Variants in HS1BP3 observed in about 807,000 individuals in gnomAD.
HS1BP3 encodes HCLS1-binding protein 3.
HS1BP3 carries 32 observed loss-of-function variants against 33.5 expected under a neutral mutation model. That is an observed-to-expected ratio of 0.95 (90% CI 0.72 to 1.28). The LOEUF (loss-of-function observed/expected upper bound fraction) is 1.28. Among genes scored for constraint, HS1BP3 ranks in the 50% most tolerant of loss-of-function variants. The pLI is 0.00. For synonymous variants in HS1BP3, 187 were observed against 209.2 expected, an observed-to-expected ratio of 0.89 and a Z score of 0.92; for missense variants, 486 against 502.3, an observed-to-expected ratio of 0.97 and a Z score of 0.31.
At chr2:20,648,950 G>C (rs574431335) in intron 1 of HS1BP3, among the ~76,000 whole-genome samples, 1 of 152,292 alleles carries the variant, frequency 6.6e-6, no homozygotes, top group East Asian at 1.9e-4. Context: ...CAGCAAACCT[G>C]AAAGCTCAAT....
intron 2 of HS1BP3, among the ~76,000 whole-genome samples, chr2:20,644,089 T>C (rs1448212261): frequency 6.6e-6 from 1 of 152,106 alleles, no homozygotes; most frequent in East Asian, 1.9e-4. Context: ...TACTTCGGGG[T>C]CTAGTTCATT....
At chr2:20,598,717 C>A (rs1261639106) in intron 2 of HS1BP3, among the ~76,000 whole-genome samples, 1 of 151,356 alleles carries the variant, frequency 6.6e-6, no homozygotes, top group Non-Finnish European at 1.5e-5. Flanking sequence ...CGCCACTACG[C>A]CCGGCTAATT....
At chr2:20,644,972 C>T (rs995304761) in intron 2 of HS1BP3, among the ~76,000 whole-genome samples, 15 of 152,132 alleles carry the variant, frequency 9.9e-5, no homozygotes, top group African/African-American at 2.2e-4. Context: ...GTTGTCTGCC[C>T]GGGACACCCT....
At chr2:20,598,510 G>A (rs1191789535) in intron 2 of HS1BP3, among the ~76,000 whole-genome samples, 1 of 150,222 alleles carries the variant, frequency 6.7e-6, no homozygotes, top group Non-Finnish European at 1.5e-5. Context: ...TGTGCAGCCC[G>A]GTTCCTAACA....
chr2:20,645,519 A>T lies in HS1BP3; in HGVS notation c.33-14T>A, dbSNP rs780052402. ...TTCTGAAGTCGCCTGCCAGGGGAAA[A>T]GAAGGCAGGTGGGGTTCAGGGTCAA... On this transcript the variant is annotated splice_polypyrimidine_tract_variant and intron_variant, in intron 1 of 6. Coordinates refer to ENST00000304031, the MANE Select transcript of HS1BP3 (RefSeq NM_022460.4). 5.6e-6 allele frequency: 9 copies of T among 1,605,962 alleles called. No homozygotes were observed. The South Asian group carries it at 1.0e-4, about 18-fold the overall frequency.
chr2:20,579,719 C>T (rs1386948093), intron 5 of HS1BP3, among the ~76,000 whole-genome samples: 2 of 152,234 alleles, frequency 1.3e-5, no homozygotes, highest in Non-Finnish European at 2.9e-5. Flanking sequence ...CGGGAATACC[C>T]TCCCTCCAGG....
At chr2:20,635,132 A>G (rs968842898) in intron 4 of HS1BP3, 2 of 152,246 alleles carry the variant, frequency 1.3e-5, no homozygotes, top group African/African-American at 4.8e-5. Flanking sequence ...ATGGTACCCC[A>G]AAGCCCCCAG....
intron 5 of HS1BP3, 143 bp downstream of exon 5, chr2:20,624,589 G>A (rs1694710939): frequency 1.3e-6 from 1 of 765,196 alleles, no homozygotes. Context: ...TGTCATGGAA[G>A]CACAAAGCTG....
intron 6 of HS1BP3, among the ~76,000 whole-genome samples, chr2:20,620,860 A>C (rs937949833): frequency 6.6e-6 from 1 of 152,210 alleles, no homozygotes; most frequent in Non-Finnish European, 1.5e-5. Context: ...CTCCACCTAC[A>C]ATGAGGGACA....
chr2:20,611,569 C>T lies in HS1BP3; in HGVS notation c.178+12327G>A, dbSNP rs189255346. The stretch of plus-strand genomic sequence containing the variant: ...GTGGGGTGAGCTGGAATGTACTCCC[C>T]GCTGCCGCAGTCCTGTTGACATTAT... On this transcript the variant is annotated intron_variant, in intron 2 of 3. Transcript: ENST00000415264. The surrounding 1 kb of genome is among the most constrained non-coding windows in gnomAD (Gnocchi z 4.9). Among the ~76,000 whole-genome samples, 1,302 of 152,288 alleles carry T rather than the reference C, an allele frequency of 8.5e-3. 13 individuals are homozygous for T. Among genetic ancestry groups the T allele is most frequent in the South Asian group, 0.015 (72 of 4,822 alleles).
intron 5 of HS1BP3, among the ~76,000 whole-genome samples, chr2:20,584,001 T>C (rs951591985): frequency 1.3e-5 from 2 of 152,178 alleles, no homozygotes; most frequent in East Asian, 1.9e-4. Context: ...GACTCGGGCA[T>C]AATTAGTGTT....
At chr2:20,640,775 A>G (rs1224566689) in intron 3 of HS1BP3, 198 bp downstream of exon 3, 2 of 624,026 alleles carry the variant, frequency 3.2e-6, no homozygotes, top group Non-Finnish European at 5.9e-6. Context: ...TGACAGCCAG[A>G]CGTTCAGTCC....
intron 5 of HS1BP3, among the ~76,000 whole-genome samples, chr2:20,572,942 T>C (rs1693310951): frequency 6.6e-6 from 1 of 152,192 alleles, no homozygotes; most frequent in South Asian, 2.1e-4. Context: ...CCCATCACTC[T>C]GTGGTCCCCA....
At chr2:20,608,812 T>G (rs1694255780) in intron 2 of HS1BP3, among the ~76,000 whole-genome samples, 1 of 152,164 alleles carries the variant, frequency 6.6e-6, no homozygotes, top group East Asian at 1.9e-4. Flanking sequence ...CTCCACTTTC[T>G]GATTCAGTGC....
chr2:20,642,865 G>C (rs183660441), intron 2 of HS1BP3, among the ~76,000 whole-genome samples: 38 of 152,266 alleles, frequency 2.5e-4, no homozygotes, highest in Admixed American at 6.5e-4. Context: ...CTGAGCACGG[G>C]GCAGACAGCC....
intron 5 of HS1BP3, among the ~76,000 whole-genome samples, chr2:20,570,180 G>C (rs1693231892): frequency 3.8e-5 from 1 of 26,416 alleles, no homozygotes; most frequent in Admixed American, 6.0e-4. Flanking sequence ...TTTGAAAAGA[G>C]AGTTTTTTTT....
chr2:20,645,695 C>T (rs1695498443), intron 1 of HS1BP3, among the ~76,000 whole-genome samples, 190 bp from the exon 2 acceptor site: 1 of 152,324 alleles, frequency 6.6e-6, no homozygotes, highest in East Asian at 1.9e-4. Context: ...CTTCCCAGGC[C>T]TCGAGGCCTC....
At chr2:20,572,775 G>A (rs1693306110) in intron 5 of HS1BP3, among the ~76,000 whole-genome samples, 1 of 152,190 alleles carries the variant, frequency 6.6e-6, no homozygotes, top group South Asian at 2.1e-4. Flanking sequence ...CTTCCCATCT[G>A]TTTGGGGGTC....
intron 5 of HS1BP3, among the ~76,000 whole-genome samples, chr2:20,577,272 G>T (rs1049856735): frequency 6.6e-6 from 1 of 152,026 alleles, no homozygotes; most frequent in African/African-American, 2.4e-5. Context: ...GGGTGGGAAA[G>T]GGGGACCCTC....
Sources: allele counts gnomAD v4.1 joint callset (sites outside exome capture counted in the v4.1 genomes callset), GRCh38; gene constraint gnomAD v4.1.1; non-coding constraint Gnocchi (gnomAD v3.1); transcripts MANE v1.5; gene names NCBI Gene and HGNC (gene_info 2026-07-23, HGNC 2026-07-21).